The following HIP1 variants were observed in gnomAD, a reference collection of about 807,000 sequenced individuals.
HIP1 encodes the protein huntingtin-interacting protein 1.
HIP1 carries 65 observed loss-of-function variants against 147.6 expected under a neutral mutation model. That is an observed-to-expected ratio of 0.44 (90% CI 0.36 to 0.54). The LOEUF (loss-of-function observed/expected upper bound fraction) is 0.54, where lower values mean the gene tolerates loss of function less well. HIP1 is among the 20% of genes least tolerant of loss of function. HIP1 has a pLI of 0.00. For synonymous variants in HIP1, 479 were observed against 504.0 expected, an observed-to-expected ratio of 0.95 and a Z score of 0.67; for missense variants, 1,061 against 1,299.6, an observed-to-expected ratio of 0.82 and a Z score of 2.82.
In HIP1 at chr7:75,738,912, C is replaced by G; in HGVS notation, c.9G>C (p.Arg3=). 2 of 1,553,294 alleles carry G rather than the reference C, an allele frequency of 1.3e-6. No homozygotes were observed. The highest frequency in any genetic ancestry group is 2.5e-5 in the East Asian group (1 of 40,398). The change falls in exon 1 of 31, where the codon CGG becomes CGC. Residue 3 remains arginine (R), a synonymous_variant. Coordinates refer to ENST00000336926, the MANE Select transcript of HIP1 (RefSeq NM_005338.7). The stretch of plus-strand genomic sequence containing the variant: ...GCACCTGCTTCATGGAGCTGGCCAT[C>G]CGATCCATGTCGCCGCGAGGAGCCG... The part of the protein sequence containing the change: MD[R]MASSMKQVPN...
chr7:75,662,435 C>T lies in HIP1; in HGVS notation c.121-63188G>A, dbSNP rs2705836. ...TCAAGCAATCCTCCTACCTGGGACTCCCCCAGTGCTCAGACTACAAGTGTG... is the reference window on the plus strand; with the variant it reads ...TCAAGCAATCCTCCTACCTGGGACTTCCCCAGTGCTCAGACTACAAGTGTG... On this transcript the variant is annotated intron_variant, in intron 1 of 30. Transcript: ENST00000336926. Among the ~76,000 whole-genome samples, 1,142 of 152,262 alleles carry T rather than the reference C, an allele frequency of 7.5e-3. 17 individuals are homozygous for T. The highest frequency in any genetic ancestry group is 0.026 in the African/African-American group (1,080 of 41,540).
At chr7:75,625,516 G>C (rs1179623) in intron 1 of HIP1, 69,131 of 152,096 alleles carry the variant, frequency 0.45, 16,098 homozygotes, top group African/African-American at 0.55. Flanking sequence ...AGAAGCTGGT[G>C]TGGAAAGGGG....
At chr7:75,690,584 C>T (rs782593233) in intron 1 of HIP1, among the ~76,000 whole-genome samples, 2 of 151,802 alleles carry the variant, frequency 1.3e-5, no homozygotes, top group African/African-American at 2.4e-5. Context: ...AACACAGGGC[C>T]GGGCGTGGTG....
intron 1 of HIP1, among the ~76,000 whole-genome samples, chr7:75,688,351 T>TGA (rs1159711994): frequency 6.6e-6 from 1 of 150,398 alleles, no homozygotes; most frequent in Non-Finnish European, 1.5e-5. Flanking sequence ...AGCCCTACAA[T>TGA]GAGAGCCAAG....
Position 75,581,766 on chromosome 7 carries a change from A to G in HIP1, c.542+309T>C, listed in dbSNP as rs587630521. On this transcript the variant is annotated intron_variant, in intron 6 of 30. Coordinates refer to ENST00000336926, the MANE Select transcript of HIP1 (RefSeq NM_005338.7). ...TGCACTCCAGCCTGGGTAACAGGGCAAGACTGCCTCTCAAAAAACAAAAAC... is the reference window on the plus strand; with the variant it reads ...TGCACTCCAGCCTGGGTAACAGGGCGAGACTGCCTCTCAAAAAACAAAAAC... 8.3e-4 allele frequency among the ~76,000 whole-genome samples: 126 copies of G among 152,288 alleles called. 1 individual carries two copies. Among genetic ancestry groups the G allele is most frequent in the African/African-American group, 2.8e-3 (115 of 41,572 alleles).
chr7:75,650,258 C>G (rs1290185639), intron 1 of HIP1, among the ~76,000 whole-genome samples: 2 of 152,092 alleles, frequency 1.3e-5, no homozygotes, highest in Non-Finnish European at 2.9e-5. Context: ...AGCAAACAGC[C>G]TGGAAACCTC....
At chr7:75,559,939 G>T in intron 13 of HIP1, 24 bp from the exon 14 acceptor site, 1 of 1,567,440 alleles carries the variant, frequency 6.4e-7, no homozygotes, top group Non-Finnish European at 8.6e-7. Flanking sequence ...CCGGTCATGA[G>T]GCCAACCGCC....
chr7:75,702,877 C>G (rs1198278496), intron 1 of HIP1, among the ~76,000 whole-genome samples: 1 of 152,130 alleles, frequency 6.6e-6, no homozygotes, highest in Non-Finnish European at 1.5e-5. Flanking sequence ...ATCCCCACCC[C>G]GCAGGGATGG....
rs1447900324 is a variant in HIP1 at position 75,589,640 on chromosome 7, G to A, written c.384+2416C>T. Among the ~76,000 whole-genome samples the A allele has an allele frequency of 6.7e-5, 8 of 118,724 alleles. No individual in the cohort carries two copies. The Admixed American group carries it at 8.9e-4, about 13-fold the overall frequency. The allele number at this position is 118,724 out of a possible 152,430, so 77.9% of individuals were successfully genotyped here. A position where few individuals can be genotyped will look rare whatever the true frequency, so the allele number is the denominator to read the frequency against. On this transcript the variant is annotated intron_variant, in intron 4 of 30. Transcript: ENST00000336926. ...GAAGGGTGCAGTGAGCTGAGATTAT[G>A]CCAGTGTACTCTGGCCCAGGCAACA... is the stretch of plus-strand genomic sequence containing the variant.
At position 75,609,179 on chromosome 7, in the gene HIP1, G is replaced by C. The variant is rs376316816; in HGVS notation, c.121-9932C>G. On this transcript the variant is annotated intron_variant, in intron 1 of 30. Coordinates refer to ENST00000336926, the MANE Select transcript of HIP1 (RefSeq NM_005338.7). ...GACCCTTCTCCTGCAGCTCTGGGGG[G>C]GCTCACAAGAGCTCTCAGGCACTGT... Among the ~76,000 whole-genome samples the C allele has an allele frequency of 8.7e-4, 132 of 152,198 alleles. 3 individuals carry two copies. The South Asian group carries it at 0.025, about 29-fold the overall frequency.
intron 1 of HIP1, among the ~76,000 whole-genome samples, chr7:75,664,152 ATG>A (rs1168914139): frequency 1.2e-4 from 5 of 42,688 alleles, no homozygotes; most frequent in South Asian, 6.6e-4. Flanking sequence ...ACATACATGT[ATG>A]TGTGTATATT....
intron 25 of HIP1, among the ~76,000 whole-genome samples, chr7:75,545,953 C>A (rs1303504835): frequency 1.3e-5 from 2 of 151,858 alleles, no homozygotes; most frequent in Admixed American, 1.3e-4. Context: ...AACAAACAAA[C>A]AAGCAAACAA....
chr7:75,600,125 C>G (rs1268519462), intron 1 of HIP1, among the ~76,000 whole-genome samples: 6 of 147,946 alleles, frequency 4.1e-5, no homozygotes, highest in Non-Finnish European at 7.5e-5. Context: ...GTTTTTTTCT[C>G]TTTTGAGCGG....
chr7:75,695,536 C>T (rs1384418187), intron 1 of HIP1, among the ~76,000 whole-genome samples: 1 of 151,172 alleles, frequency 6.6e-6, no homozygotes, highest in African/African-American at 2.4e-5. Flanking sequence ...ACTTGCCTGC[C>T]GATATTCAGA....
intron 25 of HIP1, among the ~76,000 whole-genome samples, chr7:75,546,667 C>T (rs1554491076): frequency 6.6e-6 from 1 of 152,186 alleles, no homozygotes; most frequent in African/African-American, 2.4e-5. Flanking sequence ...TCAGAGTACC[C>T]AGGTTTGCAA....
At chr7:75,659,001 G>A (rs1554513192) in intron 1 of HIP1, among the ~76,000 whole-genome samples, 1 of 152,180 alleles carries the variant, frequency 6.6e-6, no homozygotes, top group Admixed American at 6.6e-5. Flanking sequence ...GGCCTACCAA[G>A]TACAGTGAAA....
intron 1 of HIP1, among the ~76,000 whole-genome samples, chr7:75,681,069 C>A (rs1277498867): frequency 6.6e-6 from 1 of 152,128 alleles, no homozygotes; most frequent in East Asian, 1.9e-4. Flanking sequence ...AGCCACAGTG[C>A]CCAGCCCAGA....
At position 75,547,059 on chromosome 7, in the gene HIP1, A is replaced by C. The variant is rs782281304; in HGVS notation, c.2466-27T>G. On this transcript the variant is annotated intron_variant, in intron 24 of 30. Transcript: ENST00000336926. ...TGCCAAACAAACAAGTCGAGGATAC[A>C]CTGAGATCAAGATCCAAGATCAATG... 6.6e-6 allele frequency: 10 copies of C among 1,524,964 alleles called. No individual in the cohort carries two copies. In the Admixed American group the frequency reaches 1.9e-4, roughly 29 times the overall value. The allele number at this position is 1,524,964 out of a possible 1,614,324, so 94.5% of individuals were successfully genotyped here. A position where few individuals can be genotyped will look rare whatever the true frequency, so the allele number is the denominator to read the frequency against.
At chr7:75,711,283 T>C (rs1801159105) in intron 1 of HIP1, among the ~76,000 whole-genome samples, 1 of 152,204 alleles carries the variant, frequency 6.6e-6, no homozygotes, top group Non-Finnish European at 1.5e-5. Context: ...TAGCAAACTC[T>C]TTAGCAAAGT....
Sources: allele counts gnomAD v4.1 joint callset (sites outside exome capture counted in the v4.1 genomes callset), GRCh38; gene constraint gnomAD v4.1.1; transcripts MANE v1.5; gene names NCBI Gene and HGNC (gene_info 2026-07-23, HGNC 2026-07-21).